MYBL2: variants seen among roughly 807,000 people sequenced by gnomAD.
MYBL2 encodes the protein myb-related protein B.
In MYBL2, 28 loss-of-function variants were observed where a neutral mutation model predicts 79.9. The ratio of observed to expected loss-of-function variants is 0.35; its 90% CI spans 0.26 to 0.48. MYBL2 has a LOEUF of 0.48. MYBL2 is among the 20% of genes least tolerant of loss of function. The pLI, the probability that MYBL2 is intolerant of heterozygous loss-of-function variation, is 0.99. For synonymous variants in MYBL2, 378 were observed against 361.2 expected (o/e 1.05, Z -0.53); for missense variants, 735 against 893.9 (o/e 0.82, Z 2.27).
chr20:43,699,263 C>G (rs1305422060), intron 6 of MYBL2, among the ~76,000 whole-genome samples: 2 of 152,226 alleles, frequency 1.3e-5, no homozygotes, highest in East Asian at 3.9e-4. Flanking sequence ...CCAGGCTGAT[C>G]TCGAACTCTT....
chr20:43,704,649 A>G (rs529510435), intron 8 of MYBL2, among the ~76,000 whole-genome samples: 1 of 152,228 alleles, frequency 6.6e-6, no homozygotes, highest in Non-Finnish European at 1.5e-5. Flanking sequence ...TTAGATCTAG[A>G]TTTCATTCTC....
chr20:43,694,827 C>T (rs932289685), intron 6 of MYBL2, among the ~76,000 whole-genome samples: 3 of 152,206 alleles, frequency 2.0e-5, no homozygotes, highest in Admixed American at 2.0e-4. Context: ...GGTCTCCGTT[C>T]CACAAAGAGA....
At chr20:43,697,578 G>C (rs943322567) in intron 6 of MYBL2, among the ~76,000 whole-genome samples, 1 of 148,840 alleles carries the variant, frequency 6.7e-6, no homozygotes, top group African/African-American at 2.5e-5. Context: ...GCCTCTGCAC[G>C]CCAGCCTGGG....
Position 43,716,234 on chromosome 20 carries a change from A to C in MYBL2, c.*147A>C. The C allele has an allele frequency of 1.7e-6, 2 of 1,205,860 alleles. No individual in the cohort carries two copies. Among genetic ancestry groups the C allele is most frequent in the Non-Finnish European group, 2.3e-6 (2 of 886,492 alleles). 74.7% of individuals were successfully genotyped at this position (1,205,860 alleles called of 1,614,324 possible). On this transcript the variant is annotated 3_prime_UTR_variant, in exon 14 of 14. Transcript: ENST00000217026. ...CCCCAGACTCTCAGGTGGAGGCAAC[A>C]GGGCCATGTGCTGCCCTGTTGCCGA...
At chr20:43,709,246 G>A (rs1359931917) in intron 9 of MYBL2, among the ~76,000 whole-genome samples, 1 of 152,142 alleles carries the variant, frequency 6.6e-6, no homozygotes, top group East Asian at 1.9e-4. Context: ...CAGCACACAA[G>A]GGTTCGTGTT....
chr20:43,692,084 G>A (rs1282916645), intron 5 of MYBL2, 73 bp from the exon 6 acceptor site: 1 of 1,470,632 alleles, frequency 6.8e-7, no homozygotes, highest in East Asian at 2.3e-5. Flanking sequence ...TTGGCTTAGG[G>A]AGGTTAGTGA....
intron 4 of MYBL2, among the ~76,000 whole-genome samples, chr20:43,684,043 C>T (rs566404653): frequency 1.3e-5 from 2 of 152,066 alleles, no homozygotes; most frequent in South Asian, 4.2e-4. Flanking sequence ...ATCCTCCCAC[C>T]TCAGCTTCTA....
rs987336004 is a variant in MYBL2, at chr20:43,710,072, G to A, written c.1605+10G>A. ...ACCCCTGAAGCCCCTGGTACGTGGT[G>A]TGGTCGCTGCCGTGGATCTCTGCAC... On this transcript the variant is annotated intron_variant, in intron 10 of 13. Transcript: ENST00000217026. 2.5e-6 allele frequency: 4 copies of A among 1,591,384 alleles called. No individual in the cohort carries two copies. Among genetic ancestry groups the A allele is most frequent in the Non-Finnish European group, 3.4e-6 (4 of 1,166,064 alleles).
chr20:43,683,380 G>A (rs1403837650), intron 4 of MYBL2, among the ~76,000 whole-genome samples: 1 of 152,066 alleles, frequency 6.6e-6, no homozygotes, highest in Non-Finnish European at 1.5e-5. Flanking sequence ...AGAGAGCAAG[G>A]CTCAGAGAGG....
chr20:43,705,142 C>T (rs931742223), intron 8 of MYBL2, 77 bp from the exon 9 acceptor site: 52 of 1,547,418 alleles, frequency 3.4e-5, no homozygotes, highest in Non-Finnish European at 3.9e-5. Flanking sequence ...AAGGATCTCT[C>T]CCCATGATCC....
intron 4 of MYBL2, among the ~76,000 whole-genome samples, chr20:43,684,016 C>T (rs189071924): frequency 1.1e-4 from 17 of 152,062 alleles, no homozygotes; most frequent in African/African-American, 3.9e-4. Flanking sequence ...GCAGCCTCGA[C>T]CTCCCAGGCC....
At chr20:43,686,828 G>A in intron 4 of MYBL2, 24 bp from the exon 5 acceptor site, 3 of 1,610,402 alleles carry the variant, frequency 1.9e-6, no homozygotes, top group East Asian at 2.2e-5. Flanking sequence ...GGTGCAAGTG[G>A]CTACCCAGAG....
chr20:43,680,182 C>G lies in MYBL2; in HGVS notation c.115-1602C>G, dbSNP rs114103082. ...AGTAGCTGGGATCACAGGCGCCTGC[C>G]ACCACGCTGGGCTAATTTTTGTATT... On this transcript the variant is annotated intron_variant, in intron 2 of 13. Coordinates refer to ENST00000217026, the MANE Select transcript of MYBL2 (RefSeq NM_002466.4). Among the ~76,000 whole-genome samples the G allele has an allele frequency of 6.2e-3, 939 of 152,240 alleles. 10 individuals carry two copies. Among genetic ancestry groups the G allele is most frequent in the African/African-American group, 0.021 (879 of 41,542 alleles).
intron 5 of MYBL2, among the ~76,000 whole-genome samples, chr20:43,688,477 G>C (rs1197613283): frequency 6.6e-6 from 1 of 152,046 alleles, no homozygotes; most frequent in Admixed American, 6.6e-5. Context: ...TTACAGGCAT[G>C]AGCCACTATG....
intron 6 of MYBL2, among the ~76,000 whole-genome samples, chr20:43,693,564 TG>T (rs1987464836): frequency 6.6e-6 from 1 of 152,070 alleles, no homozygotes; most frequent in African/African-American, 2.4e-5. Context: ...CTCAAACTCC[TG>T]ACTTCAAATG....
chr20:43,673,764 A>G (rs1021183488), intron 1 of MYBL2, 42 bp from the exon 2 acceptor site: 5 of 1,566,512 alleles, frequency 3.2e-6, no homozygotes, highest in Non-Finnish European at 4.4e-6. Context: ...TGTAAAACAT[A>G]TGGACACACC....
At chr20:43,705,901 C>T (rs145015761) in intron 9 of MYBL2, among the ~76,000 whole-genome samples, 8 of 152,056 alleles carry the variant, frequency 5.3e-5, no homozygotes, top group East Asian at 3.9e-4. Context: ...AGGATTTCAC[C>T]GTATTAGCCA....
At position 43,702,853 on chromosome 20, in the gene MYBL2, C is replaced by T. The variant is rs1275064405; in HGVS notation, c.1315C>T (p.Leu439Phe). The change falls in exon 8 of 14, where the codon CTC (leucine) becomes TTC (phenylalanine). Residue 439 changes from leucine to phenylalanine, a missense_variant. By Grantham distance (22) the Leu-to-Phe change is conservative. Coordinates refer to ENST00000217026, the MANE Select transcript of MYBL2 (RefSeq NM_002466.4). The part of the protein sequence containing the change: ...SLSFLDSCNS[L>F]TPKSTPVKTL... ...GTCCTTCCTGGATTCCTGTAACAGC[C>T]TCACGCCCAAGAGCACACCTGTTAA... The T allele has an allele frequency of 6.2e-7, 1 of 1,612,258 alleles. No individual in the cohort carries two copies. Among genetic ancestry groups the T allele is most frequent in the Non-Finnish European group, 8.5e-7 (1 of 1,178,590 alleles).
At position 43,667,260 on chromosome 20, in the gene MYBL2, C is replaced by G; in HGVS notation, c.-24C>G. On this transcript the variant is annotated 5_prime_UTR_variant, in exon 1 of 14. Coordinates refer to ENST00000217026, the MANE Select transcript of MYBL2 (RefSeq NM_002466.4). ...CGGGCTCTGCCGGCGGGCGGGCGAGCGCGGCGCGGTCCGGGCCGGGGGGAT... is the reference window on the plus strand; with the variant it reads ...CGGGCTCTGCCGGCGGGCGGGCGAGGGCGGCGCGGTCCGGGCCGGGGGGAT... 2.5e-6 allele frequency: 3 copies of G among 1,219,770 alleles called. No individual in the cohort carries two copies. Among genetic ancestry groups the G allele is most frequent in the Non-Finnish European group, 3.1e-6 (3 of 980,202 alleles). The allele number at this position is 1,219,770 out of a possible 1,614,324, so 75.6% of individuals were successfully genotyped here.
Sources: gnomAD v4.1 joint callset for allele counts (sites outside exome capture counted in the v4.1 genomes callset) on GRCh38, gnomAD v4.1.1 for gene constraint, MANE v1.5 for transcripts, NCBI Gene and HGNC (gene_info 2026-07-23, HGNC 2026-07-21) for gene names.